FABP6: variants seen among roughly 807,000 people sequenced by gnomAD.
FABP6 encodes gastrotropin.
A neutral mutation model predicts 14.9 loss-of-function variants in FABP6; 13 were observed. The observed-to-expected ratio is 0.87, with a 90% CI of 0.57 to 1.39. The LOEUF is 1.39. Ranked by LOEUF, FABP6 falls within the 40% of genes most tolerant of loss-of-function variation. The pLI, the probability that FABP6 is intolerant of heterozygous loss-of-function variation, is 0.00. For synonymous variants in FABP6, 75 were observed against 63.6 expected, an observed-to-expected ratio of 1.18 and a Z score of -0.85; for missense variants, 161 against 167.2, an observed-to-expected ratio of 0.96 and a Z score of 0.20.
intron 1 of FABP6, among the ~76,000 whole-genome samples, chr5:160,192,686 C>G (rs10476321): frequency 0.23 from 34,306 of 152,236 alleles, 3,919 homozygotes; most frequent in South Asian, 0.25. Flanking sequence ...GAGGAACTCA[C>G]TGGCCCACTG....
At chr5:160,206,927 C>T (rs1283600288) in intron 2 of FABP6, among the ~76,000 whole-genome samples, 4 of 152,188 alleles carry the variant, frequency 2.6e-5, no homozygotes, top group Non-Finnish European at 1.5e-5. Flanking sequence ...GCGAAAAAAA[C>T]CTTACTCTCA....
intron 1 of FABP6, chr5:160,197,940 G>C (rs1759545811): frequency 6.8e-6 from 1 of 146,158 alleles, no homozygotes; most frequent in South Asian, 2.2e-4. Context: ...GTGTGTGTGT[G>C]TGTGTGTGTG....
At chr5:160,203,728 T>G (rs967338351) in intron 2 of FABP6, among the ~76,000 whole-genome samples, 3 of 150,346 alleles carry the variant, frequency 2.0e-5, no homozygotes, top group Non-Finnish European at 4.4e-5. Context: ...TGAGATGGAG[T>G]TTTGCTCTTG....
intron 3 of FABP6, among the ~76,000 whole-genome samples, chr5:160,214,230 C>A (rs1248245749): frequency 6.6e-6 from 1 of 151,676 alleles, no homozygotes; most frequent in Non-Finnish European, 1.5e-5. Context: ...GTGATGTAAT[C>A]ATAACTCATA....
At chr5:160,217,121 T>C (rs1760027721) in intron 3 of FABP6, among the ~76,000 whole-genome samples, 1 of 152,186 alleles carries the variant, frequency 6.6e-6, no homozygotes, top group South Asian at 2.1e-4. Flanking sequence ...ACTTGGCGCA[T>C]TGCAGGTCCA....
intron 3 of FABP6, among the ~76,000 whole-genome samples, chr5:160,221,345 T>C (rs59754403): frequency 0.011 from 1,658 of 152,116 alleles, 25 homozygotes; most frequent in African/African-American, 0.038. Context: ...CAAAAAAGCC[T>C]GATTGGAGGA....
chr5:160,207,812 C>T (rs1053170580), intron 2 of FABP6, among the ~76,000 whole-genome samples: 5 of 151,524 alleles, frequency 3.3e-5, no homozygotes, highest in Non-Finnish European at 5.9e-5. Context: ...CAACCTCCGC[C>T]TCCCGGGTTC....
At chr5:160,204,281 C>T (rs1417399790) in intron 2 of FABP6, among the ~76,000 whole-genome samples, 1 of 152,058 alleles carries the variant, frequency 6.6e-6, no homozygotes, top group Non-Finnish European at 1.5e-5. Context: ...CCTGCCATTG[C>T]ACTCCAGCCT....
chr5:160,188,727 C>A (rs1759340154), intron 1 of FABP6, among the ~76,000 whole-genome samples: 1 of 152,244 alleles, frequency 6.6e-6, no homozygotes, highest in Non-Finnish European at 1.5e-5. Context: ...GGGCAGATTG[C>A]CTCCTGTCTC....
chr5:160,187,879 A>G (rs986619142), intron 1 of FABP6, among the ~76,000 whole-genome samples: 19 of 152,030 alleles, frequency 1.2e-4, no homozygotes, highest in Admixed American at 1.2e-3. Context: ...CAGCCTCCCA[A>G]GTAGCTGGGA....
intron 3 of FABP6, among the ~76,000 whole-genome samples, chr5:160,238,121 G>C (rs577440793): frequency 7.9e-5 from 12 of 152,178 alleles, no homozygotes; most frequent in African/African-American, 2.9e-4. Context: ...CATCCCCCCC[G>C]CCTGCCTCTC....
intron 2 of FABP6, among the ~76,000 whole-genome samples, chr5:160,207,874 C>T (rs991898157): frequency 6.3e-4 from 96 of 152,200 alleles, no homozygotes; most frequent in Admixed American, 3.4e-3. Flanking sequence ...CAGGTGCCTG[C>T]CACCACGCCC....
intron 1 of FABP6, among the ~76,000 whole-genome samples, chr5:160,191,555 C>A (rs1005989634): frequency 1.3e-5 from 2 of 152,032 alleles, no homozygotes; most frequent in Non-Finnish European, 2.9e-5. Flanking sequence ...CTCTCATGCC[C>A]TCATTCCTTT....
intron 3 of FABP6, among the ~76,000 whole-genome samples, chr5:160,238,152 C>A (rs563074262): frequency 6.6e-6 from 1 of 152,120 alleles, no homozygotes; most frequent in Non-Finnish European, 1.5e-5. Flanking sequence ...TTAGGCTTCT[C>A]GAGAGTAGGG....
At chr5:160,200,522 C>T (rs536772051) in intron 2 of FABP6, among the ~76,000 whole-genome samples, 97 of 151,858 alleles carry the variant, frequency 6.4e-4, no homozygotes, top group South Asian at 1.5e-3. Flanking sequence ...AAGAGATTCT[C>T]CTTCCTCAGC....
chr5:160,198,820 G>A (rs958273159), intron 1 of FABP6: 5 of 424,966 alleles, frequency 1.2e-5, no homozygotes, highest in African/African-American at 8.0e-5. Context: ...ATCTGAAAAC[G>A]ACCTCTTCAA....
chr5:160,236,458 C>T (rs28501206), intron 3 of FABP6, among the ~76,000 whole-genome samples: 36,024 of 152,000 alleles, frequency 0.24, 4,596 homozygotes, highest in East Asian at 0.35. Flanking sequence ...GGGACACACG[C>T]GCAGTCCATA....
chr5:160,206,214 G>A (rs1483890685), intron 2 of FABP6, among the ~76,000 whole-genome samples: 1 of 152,166 alleles, frequency 6.6e-6, no homozygotes, highest in African/African-American at 2.4e-5. Context: ...GGCAGATCAT[G>A]AGGTCAGGAG....
At chr5:160,219,969 C>G (rs1046535086) in intron 3 of FABP6, among the ~76,000 whole-genome samples, 1 of 152,118 alleles carries the variant, frequency 6.6e-6, no homozygotes, top group Middle Eastern at 3.2e-3. Context: ...AGCCTTACAG[C>G]CTATTCCACA....
Sources: gnomAD v4.1 joint callset for allele counts (sites outside exome capture counted in the v4.1 genomes callset) on GRCh38, gnomAD v4.1.1 for gene constraint, MANE v1.5 for transcripts, NCBI Gene and HGNC (gene_info 2026-07-23, HGNC 2026-07-21) for gene names.